Variants in BCAT1 observed in about 807,000 individuals in gnomAD.
BCAT1 encodes the protein branched-chain-amino-acid aminotransferase, cytosolic.
BCAT1 carries 48 observed loss-of-function variants against 52.4 expected under a neutral mutation model. The ratio of observed to expected loss-of-function variants is 0.92; its 90% CI spans 0.73 to 1.16. The LOEUF is 1.16. Ranked by LOEUF, BCAT1 falls within the 50% of genes most tolerant of loss-of-function variation. The pLI is 0.00. For synonymous variants in BCAT1, 167 were observed against 161.3 expected (o/e 1.04, Z -0.27); for missense variants, 451 against 457.1 (o/e 0.99, Z 0.12).
chr12:24,836,916 A>AAG (rs1321980016), intron 7 of BCAT1, among the ~76,000 whole-genome samples: 1 of 45,440 alleles, frequency 2.2e-5, no homozygotes, highest in African/African-American at 5.8e-5. Context: ...GAGAGAAAGA[A>AAG]AGAAAGAAAG....
chr12:24,891,034 T>G (rs541594974), intron 3 of BCAT1, among the ~76,000 whole-genome samples: 2 of 152,268 alleles, frequency 1.3e-5, no homozygotes, highest in East Asian at 1.9e-4. Context: ...TGACTATTGT[T>G]GTGGTGGTGT....
rs185923569 is a variant in BCAT1 at position 24,926,349 on chromosome 12, G to A, written c.6+22578C>T. 4.2e-3 allele frequency among the ~76,000 whole-genome samples: 632 copies of A among 151,348 alleles called. 3 individuals carry two copies. Among genetic ancestry groups the A allele is most frequent in the Non-Finnish European group, 5.8e-3 (393 of 67,894 alleles). On this transcript the variant is annotated intron_variant, in intron 1 of 10. Transcript: ENST00000261192. Reference sequence around the variant, plus strand: ...GTCTGGGAAGTTGGGGGCAGCCCCCGCCTGGCCAGCCGCCCCGTCCGGGAG... The same window carrying A: ...GTCTGGGAAGTTGGGGGCAGCCCCCACCTGGCCAGCCGCCCCGTCCGGGAG...
chr12:24,897,037 T>C (rs1040888774), intron 2 of BCAT1, among the ~76,000 whole-genome samples: 2 of 152,226 alleles, frequency 1.3e-5, no homozygotes, highest in African/African-American at 4.8e-5. Context: ...GTGATTTACC[T>C]TAGTTAGCTT....
intron 1 of BCAT1, among the ~76,000 whole-genome samples, chr12:24,919,851 T>G (rs939716068): frequency 6.6e-6 from 1 of 152,188 alleles, no homozygotes; most frequent in Non-Finnish European, 1.5e-5. Context: ...TAGTGAATAA[T>G]TGTCTCATGT....
At chr12:24,878,691 C>A in intron 4 of BCAT1, 42 bp from the exon 5 acceptor site, 1 of 1,540,178 alleles carries the variant, frequency 6.5e-7, no homozygotes, top group Non-Finnish European at 8.8e-7. Flanking sequence ...AATTTTCTCA[C>A]AATGTGGCAA....
chr12:24,874,895 TATTC>T (rs1942284754), intron 5 of BCAT1, among the ~76,000 whole-genome samples: 1 of 152,070 alleles, frequency 6.6e-6, no homozygotes, highest in Non-Finnish European at 1.5e-5. Flanking sequence ...AACATAGATT[TATTC>T]ATTCAAAGAA....
chr12:24,876,434 C>T (rs1942345197), intron 5 of BCAT1, among the ~76,000 whole-genome samples: 1 of 152,016 alleles, frequency 6.6e-6, no homozygotes, highest in Non-Finnish European at 1.5e-5. Context: ...GTTGATTTAA[C>T]ATCCAAAAAT....
intron 5 of BCAT1, among the ~76,000 whole-genome samples, chr12:24,867,544 G>C (rs956102354): frequency 1.3e-5 from 2 of 152,074 alleles, no homozygotes; most frequent in African/African-American, 4.8e-5. Flanking sequence ...TTATGATTTA[G>C]CACTGAGAAG....
intron 5 of BCAT1, among the ~76,000 whole-genome samples, chr12:24,877,775 T>G (rs1453513540): frequency 2.0e-5 from 3 of 152,078 alleles, no homozygotes; most frequent in Non-Finnish European, 4.4e-5. Context: ...TAATGACTAG[T>G]CTTAATTGGG....
At chr12:24,925,018 A>C (rs973967711) in intron 1 of BCAT1, among the ~76,000 whole-genome samples, 10 of 152,318 alleles carry the variant, frequency 6.6e-5, no homozygotes, top group African/African-American at 2.4e-4. Flanking sequence ...ATCTCTACAG[A>C]GTGATGGTTA....
At chr12:24,907,008 T>C (rs1410733423) in intron 1 of BCAT1, among the ~76,000 whole-genome samples, 1 of 152,214 alleles carries the variant, frequency 6.6e-6, no homozygotes, top group African/African-American at 2.4e-5. Flanking sequence ...AGGCTTCACA[T>C]CACCCATTTG....
chr12:24,842,379 C>A (rs1433647065), intron 6 of BCAT1, among the ~76,000 whole-genome samples, 155 bp from the exon 7 acceptor site: 1 of 152,152 alleles, frequency 6.6e-6, no homozygotes, highest in African/African-American at 2.4e-5. Context: ...AACTGCATAA[C>A]ATTAAAGGAA....
chr12:24,906,389 G>C (rs1354528707), intron 1 of BCAT1, among the ~76,000 whole-genome samples: 1 of 152,130 alleles, frequency 6.6e-6, no homozygotes, highest in Non-Finnish European at 1.5e-5. Flanking sequence ...TCCAAGACTG[G>C]CTGTGAGAGA....
intron 2 of BCAT1, 94 bp downstream of exon 2, chr12:24,901,720 C>A (rs1591858196): frequency 1.5e-6 from 2 of 1,314,948 alleles, no homozygotes; most frequent in Non-Finnish European, 2.1e-6. Flanking sequence ...AACTGGGTAA[C>A]CCACACAGTG....
intron 5 of BCAT1, among the ~76,000 whole-genome samples, chr12:24,870,983 A>G (rs1236482570): frequency 6.6e-6 from 1 of 152,052 alleles, no homozygotes; most frequent in Non-Finnish European, 1.5e-5. Context: ...AGATCACACA[A>G]CTGCACTCCA....
intron 1 of BCAT1, among the ~76,000 whole-genome samples, chr12:24,912,617 CA>C (rs1246130169): frequency 6.6e-6 from 1 of 150,688 alleles, no homozygotes; most frequent in Non-Finnish European, 1.5e-5. Context: ...GTAATCACAG[CA>C]CTTTGGGAAG....
rs537278695 is a variant in BCAT1 at position 24,943,456 on chromosome 12, GCA to G, written c.6+5469_6+5470del. Among the ~76,000 whole-genome samples the G allele has an allele frequency of 2.9e-3, 359 of 122,678 alleles. 4 individuals are homozygous for G. Among genetic ancestry groups the G allele is most frequent in the African/African-American group, 0.011 (346 of 32,862 alleles). The allele number at this position is 122,678 out of a possible 152,430, so 80.5% of individuals were successfully genotyped here. A position where few individuals can be genotyped will look rare whatever the true frequency, so the allele number is the denominator to read the frequency against. ...TGAAGTGAGCCATGATTGTACCACTGCACTCCAGCCTAGGTGACAGAATGAGA... is the reference window on the plus strand; with the variant it reads ...TGAAGTGAGCCATGATTGTACCACTGCTCCAGCCTAGGTGACAGAATGAGA... On this transcript the variant is annotated intron_variant, in intron 1 of 10. Coordinates refer to ENST00000261192, the MANE Select transcript of BCAT1 (RefSeq NM_005504.7).
intron 1 of BCAT1, among the ~76,000 whole-genome samples, chr12:24,915,887 G>C (rs1452485446): frequency 6.6e-6 from 1 of 152,388 alleles, no homozygotes; most frequent in East Asian, 1.9e-4. Context: ...GCTGGGCACA[G>C]TGGCTCACGC....
At chr12:24,930,882 A>G (rs956487273) in intron 1 of BCAT1, among the ~76,000 whole-genome samples, 16 of 147,102 alleles carry the variant, frequency 1.1e-4, no homozygotes, top group Non-Finnish European at 2.1e-4. Context: ...CTGAAGCCTC[A>G]GTGGAACAGG....
Sources: gnomAD v4.1 joint callset for allele counts (sites outside exome capture counted in the v4.1 genomes callset) on GRCh38, gnomAD v4.1.1 for gene constraint, MANE v1.5 for transcripts, NCBI Gene and HGNC (gene_info 2026-07-23, HGNC 2026-07-21) for gene names.